The following TMEM217B variants were observed in gnomAD, a reference collection of about 807,000 sequenced individuals.
TMEM217B encodes transmembrane protein 217B, also known as putative transmembrane protein 217B.
chr6:37,244,878 C>T, the TMEM217B span, among the ~76,000 whole-genome samples: 6 of 152,178 alleles, frequency 3.9e-5, no homozygotes, highest in African/African-American at 9.7e-5. Context: ...CTAATTCATA[C>T]GTCAAAGGCT....
At chr6:37,219,873 T>C in the TMEM217B span, among the ~76,000 whole-genome samples, 1 of 152,146 alleles carries the variant, frequency 6.6e-6, no homozygotes, top group Admixed American at 6.6e-5. Context: ...AAGAACCCTG[T>C]TGGGTGGAGA....
chr6:37,253,781 C>G, the TMEM217B span, among the ~76,000 whole-genome samples: 2 of 152,160 alleles, frequency 1.3e-5, no homozygotes, highest in African/African-American at 4.8e-5. Flanking sequence ...ATTGGAGCTC[C>G]TGTCCTGAAG....
At chr6:37,252,613 GTGTGTATATA>G in the TMEM217B span, among the ~76,000 whole-genome samples, 235 of 89,904 alleles carry the variant, frequency 2.6e-3, 5 homozygotes, top group Non-Finnish European at 3.6e-3. Context: ...GTGTGTATGT[GTGTGTATATA>G]TATATATATA....
At chr6:37,241,992 G>A in the TMEM217B span, among the ~76,000 whole-genome samples, 4 of 149,698 alleles carry the variant, frequency 2.7e-5, no homozygotes, top group Non-Finnish European at 4.4e-5. Context: ...GGGAGTTAGG[G>A]AAAAATTCGA....
At chr6:37,242,294 G>A in the TMEM217B span, among the ~76,000 whole-genome samples, 68 of 152,264 alleles carry the variant, frequency 4.5e-4, no homozygotes, top group African/African-American at 1.5e-3. Flanking sequence ...CCCCACGGTG[G>A]GCAGAACCTG....
the TMEM217B span, among the ~76,000 whole-genome samples, chr6:37,221,031 TACAA>T: frequency 2.6e-5 from 4 of 152,158 alleles, no homozygotes; most frequent in African/African-American, 7.2e-5. Context: ...CATTTTGTTG[TACAA>T]ACAATCTCTA....
At chr6:37,216,370 C>A in the TMEM217B span, among the ~76,000 whole-genome samples, 3 of 152,082 alleles carry the variant, frequency 2.0e-5, no homozygotes, top group African/African-American at 4.8e-5. Context: ...TGAGCCCCTG[C>A]GCCTGGCCCG....
the TMEM217B span, among the ~76,000 whole-genome samples, chr6:37,235,377 T>A: frequency 1.1e-4 from 16 of 152,260 alleles, no homozygotes; most frequent in Admixed American, 9.8e-4. Flanking sequence ...TATTATTATT[T>A]TTTTTTGAGA....
At chr6:37,215,570 C>CG in the TMEM217B span, among the ~76,000 whole-genome samples, 5 of 72,368 alleles carry the variant, frequency 6.9e-5, no homozygotes, top group Middle Eastern at 0.014. Flanking sequence ...GACTCTGTCT[C>CG]AAAAAAAAAA....
chr6:37,242,730 A>G, the TMEM217B span, among the ~76,000 whole-genome samples: 101 of 151,916 alleles, frequency 6.6e-4, no homozygotes, highest in Non-Finnish European at 1.1e-3. Flanking sequence ...CCCCTTCTTC[A>G]CCTGCTCATC....
the TMEM217B span, chr6:37,215,216 G>A: frequency 9.3e-6 from 15 of 1,613,760 alleles, no homozygotes; most frequent in Non-Finnish European, 1.3e-5. Flanking sequence ...CATCTATTGT[G>A]TATCTACAGG....
At chr6:37,214,653 T>A in the TMEM217B span, among the ~76,000 whole-genome samples, 1 of 152,232 alleles carries the variant, frequency 6.6e-6, no homozygotes, top group African/African-American at 2.4e-5. Flanking sequence ...ATTTGCCTGC[T>A]CTAGGTGTCT....
the TMEM217B span, chr6:37,257,841 C>T: frequency 2.6e-6 from 4 of 1,536,150 alleles, no homozygotes; most frequent in Non-Finnish European, 3.5e-6. Context: ...TGGGTTGGCC[C>T]TCAGATTGCG....
chr6:37,232,553 G>A, the TMEM217B span, among the ~76,000 whole-genome samples: 1 of 141,202 alleles, frequency 7.1e-6, no homozygotes, highest in African/African-American at 2.6e-5. Flanking sequence ...AGTTTAACTG[G>A]CCCTAAACAC....
chr6:37,228,439 C>T, the TMEM217B span, among the ~76,000 whole-genome samples: 1 of 152,346 alleles, frequency 6.6e-6, no homozygotes, highest in Admixed American at 6.5e-5. Context: ...CGTGATGGCT[C>T]ACGCTTGTAA....
the TMEM217B span, chr6:37,257,665 T>G: frequency 1.3e-5 from 7 of 522,660 alleles, no homozygotes; most frequent in Non-Finnish European, 2.4e-5. Context: ...GCCCCTGACG[T>G]TACCGGTCGG....
chr6:37,256,489 T>C, the TMEM217B span, among the ~76,000 whole-genome samples: 690 of 152,304 alleles, frequency 4.5e-3, 2 homozygotes, highest in Middle Eastern at 0.034. Context: ...GGGCTTTTTT[T>C]CTCTGGGTTA....
At chr6:37,218,114 T>G in the TMEM217B span, 1 of 1,040,876 alleles carries the variant, frequency 9.6e-7, no homozygotes, top group Non-Finnish European at 1.2e-6. Flanking sequence ...ACCTACCTCT[T>G]ATGGGAAAGA....
the TMEM217B span, among the ~76,000 whole-genome samples, chr6:37,232,990 T>C: frequency 6.6e-6 from 1 of 151,868 alleles, no homozygotes; most frequent in Non-Finnish European, 1.5e-5. Context: ...ACTGTGGTTC[T>C]GCTGCCATCT....
Sources: gnomAD v4.1 joint callset for allele counts (sites outside exome capture counted in the v4.1 genomes callset) on GRCh38, gnomAD v4.1.1 for gene constraint, MANE v1.5 for transcripts, NCBI Gene and HGNC (gene_info 2026-07-23, HGNC 2026-07-21) for gene names.